Variants in SH3RF3 observed in about 807,000 individuals in gnomAD.
SH3RF3 encodes the protein SH3 domain containing ring finger 3.
A neutral mutation model predicts 66.3 loss-of-function variants in SH3RF3; 29 were observed. The ratio of observed to expected loss-of-function variants is 0.44; its 90% CI spans 0.33 to 0.60. SH3RF3 has a LOEUF of 0.60. Among genes scored for constraint, SH3RF3 ranks in the 20% least tolerant of loss-of-function variants. The pLI is 0.04. For missense variants in SH3RF3, 1,194 were observed against 1,190.9 expected, an observed-to-expected ratio of 1.00 and a Z score of -0.04; for synonymous variants, 583 against 532.0, an observed-to-expected ratio of 1.10 and a Z score of -1.32.
At chr2:109,199,627 T>TCGTTCC in intron 1 of SH3RF3, among the ~76,000 whole-genome samples, 1 of 96 alleles carries the variant, frequency 0.01, no homozygotes, top group Admixed American at 0.062. Flanking sequence ...TGGAATGGAA[T>TCGTTCC]GGAATGGAAT....
chr2:109,363,222 G>A (rs554938435), intron 2 of SH3RF3, among the ~76,000 whole-genome samples: 1 of 151,826 alleles, frequency 6.6e-6, no homozygotes, highest in African/African-American at 2.4e-5. Context: ...TAGCATATCA[G>A]TTGTACCTCT....
intron 1 of SH3RF3, among the ~76,000 whole-genome samples, chr2:109,230,223 GTTTGACTTTAGAGTT>G (rs1679472831): frequency 6.6e-6 from 1 of 152,030 alleles, no homozygotes; most frequent in Non-Finnish European, 1.5e-5. Context: ...ACTTGGGATG[GTTTGACTTTAGAGTT>G]TTTGACTTTA....
chr2:109,263,114 G>A (rs1680399384), intron 1 of SH3RF3, among the ~76,000 whole-genome samples: 1 of 152,176 alleles, frequency 6.6e-6, no homozygotes, highest in Admixed American at 6.5e-5. Flanking sequence ...CCAAAGGGCT[G>A]GGATTATAGG....
At chr2:109,317,703 G>A (rs1422409682) in intron 1 of SH3RF3, among the ~76,000 whole-genome samples, 2 of 152,300 alleles carry the variant, frequency 1.3e-5, no homozygotes, top group South Asian at 2.1e-4. Context: ...CTCCACCACG[G>A]AATCACAGTG....
chr2:109,433,115 G>A (rs780388957), intron 6 of SH3RF3, among the ~76,000 whole-genome samples: 43 of 152,346 alleles, frequency 2.8e-4, no homozygotes, highest in Non-Finnish European at 4.3e-4. Context: ...GCCTGTGCAC[G>A]TGCGTATGCA....
At chr2:109,161,883 G>A (rs748496350) in intron 1 of SH3RF3, among the ~76,000 whole-genome samples, 2 of 151,654 alleles carry the variant, frequency 1.3e-5, no homozygotes, top group African/African-American at 2.4e-5. Flanking sequence ...AGGTTTGGGG[G>A]ACAAATATCC....
chr2:109,205,853 GT>G lies in SH3RF3; in HGVS notation c.573+75744del, dbSNP rs1678797302. ...AAATACTCTTGAGCCTAAAGTTGGA[GT>G]TTTCTCCTTTCCGCTTCCTGTTTTT... is the stretch of plus-strand genomic sequence containing the variant. On this transcript the variant is annotated intron_variant, in intron 1 of 9. Transcript: ENST00000309415. Among the ~76,000 whole-genome samples the G allele has an allele frequency of 2.0e-5, 3 of 152,206 alleles. No homozygotes were observed. The South Asian group carries it at 6.2e-4, about 31-fold the overall frequency.
intron 1 of SH3RF3, among the ~76,000 whole-genome samples, chr2:109,331,357 C>CT (rs1682281144): frequency 6.6e-6 from 1 of 152,022 alleles, no homozygotes; most frequent in African/African-American, 2.4e-5. Context: ...TCCTGCCTCC[C>CT]TCCTCTCCCC....
chr2:109,398,565 C>G (rs1291408916), intron 3 of SH3RF3, 25 bp from the exon 4 acceptor site: 1 of 1,521,522 alleles, frequency 6.6e-7, no homozygotes, highest in Admixed American at 2.0e-5. Context: ...TTAATGCAGC[C>G]TCCCCTCTCC....
rs562042785 is a variant in SH3RF3, at chr2:109,307,502, C to G, written c.574-40172C>G. 2.1e-3 allele frequency among the ~76,000 whole-genome samples: 311 copies of G among 149,090 alleles called. 2 individuals carry two copies. Among genetic ancestry groups the G allele is most frequent in the African/African-American group, 7.7e-3 (307 of 39,892 alleles). On this transcript the variant is annotated intron_variant, in intron 1 of 9. Transcript: ENST00000309415. ...GTTAGTTACATATGTATACATGTGC[C>G]ATGCTGGTGTGCTGCACCCACTAAC...
At chr2:109,169,470 G>A (rs1214462489) in intron 1 of SH3RF3, among the ~76,000 whole-genome samples, 1 of 152,064 alleles carries the variant, frequency 6.6e-6, no homozygotes, top group Non-Finnish European at 1.5e-5. Flanking sequence ...AATTGTCGGG[G>A]AGGAAGCTGG....
chr2:109,158,636 A>G (rs1380783240), intron 1 of SH3RF3, among the ~76,000 whole-genome samples: 2 of 152,160 alleles, frequency 1.3e-5, no homozygotes, highest in Non-Finnish European at 2.9e-5. Flanking sequence ...GGCTTGAGGG[A>G]TCTAAGTCGT....
chr2:109,233,804 G>A (rs1028100374), intron 1 of SH3RF3, among the ~76,000 whole-genome samples: 1 of 152,242 alleles, frequency 6.6e-6, no homozygotes, highest in African/African-American at 2.4e-5. Context: ...GGATCACAGA[G>A]TATGTAGCTC....
chr2:109,349,073 A>G (rs986542291), intron 2 of SH3RF3, among the ~76,000 whole-genome samples: 4 of 152,154 alleles, frequency 2.6e-5, no homozygotes, highest in Admixed American at 2.6e-4. Flanking sequence ...TAACAGAACT[A>G]GAATTCTAAC....
intron 8 of SH3RF3, among the ~76,000 whole-genome samples, chr2:109,482,821 C>T (rs1678870313): frequency 6.6e-6 from 1 of 152,188 alleles, no homozygotes; most frequent in Non-Finnish European, 1.5e-5. Context: ...ACGTCTTCCA[C>T]CAAAAACAAG....
intron 8 of SH3RF3, among the ~76,000 whole-genome samples, chr2:109,465,614 T>C (rs1678320563): frequency 6.6e-6 from 1 of 152,316 alleles, no homozygotes; most frequent in Non-Finnish European, 1.5e-5. Context: ...TATAAAGAAA[T>C]ACCTGAGACT....
At chr2:109,330,094 A>G (rs1682249798) in intron 1 of SH3RF3, among the ~76,000 whole-genome samples, 2 of 152,218 alleles carry the variant, frequency 1.3e-5, no homozygotes, top group African/African-American at 2.4e-5. Flanking sequence ...ATGTAATGAA[A>G]TATATGTAGC....
chr2:109,402,169 C>T (rs980773147), intron 4 of SH3RF3, among the ~76,000 whole-genome samples: 30 of 152,242 alleles, frequency 2.0e-4, no homozygotes, highest in Non-Finnish European at 3.1e-4. Context: ...CAAGCCCTCC[C>T]GGTCTGCCCC....
intron 1 of SH3RF3, among the ~76,000 whole-genome samples, chr2:109,314,882 T>G (rs949101086): frequency 6.6e-6 from 1 of 152,202 alleles, no homozygotes; most frequent in Non-Finnish European, 1.5e-5. Context: ...TTGGTAGAGA[T>G]TGAAGCAGAG....
Sources: gnomAD v4.1 joint callset for allele counts (sites outside exome capture counted in the v4.1 genomes callset) on GRCh38, gnomAD v4.1.1 for gene constraint, MANE v1.5 for transcripts, NCBI Gene and HGNC (gene_info 2026-07-23, HGNC 2026-07-21) for gene names.